FERMT1: variants seen among roughly 807,000 people sequenced by gnomAD.
FERMT1 encodes the protein fermitin family homolog 1.
A neutral mutation model predicts 85.3 loss-of-function variants in FERMT1; 60 were observed. That is an observed-to-expected ratio of 0.70 (90% CI 0.57 to 0.87). FERMT1 has a LOEUF of 0.87. Among genes scored for constraint, FERMT1 ranks in the 40% least tolerant of loss-of-function variants. The pLI, the probability that FERMT1 is intolerant of heterozygous loss-of-function variation, is 0.00. For synonymous variants in FERMT1, 275 were observed against 301.1 expected, an observed-to-expected ratio of 0.91 and a Z score of 0.90; for missense variants, 701 against 818.9, an observed-to-expected ratio of 0.86 and a Z score of 1.76.
At position 6,079,440 on chromosome 20, in the gene FERMT1, C is replaced by T. The variant is rs773937264; in HGVS notation, c.1856G>A (p.Arg619Gln). The change falls in exon 14 of 15, where the codon CGG becomes CAG. Residue 619 changes from arginine to glutamine, a missense_variant. By Grantham distance (43) the Arg-to-Gln change is conservative. Transcript: ENST00000217289. ...IKQWNVNWET[R>Q]QVVIEFDQNV... ...GAGCAAAAACTTTCACTTTACCTGC[C>T]GGGTTTCCCAGTTTACATTCCACTG... 9.9e-6 allele frequency: 16 copies of T among 1,614,120 alleles called. No homozygotes were observed. The highest frequency in any genetic ancestry group is 2.2e-5 in the South Asian group (2 of 91,070).
intron 5 of FERMT1, among the ~76,000 whole-genome samples, chr20:6,109,902 CAAA>C (rs11436082): frequency 2.4e-5 from 3 of 123,592 alleles, no homozygotes; most frequent in African/African-American, 6.0e-5. Flanking sequence ...AACTCCATCT[CAAA>C]AAAAAAAAAA....
chr20:6,104,637 C>T lies in FERMT1; in HGVS notation c.849+2895G>A, dbSNP rs982157530. Among the ~76,000 whole-genome samples the T allele has an allele frequency of 1.3e-5, 2 of 152,174 alleles. No individual in the cohort carries two copies. Among genetic ancestry groups the T allele is most frequent in the African/African-American group, 4.8e-5 (2 of 41,444 alleles). On this transcript the variant is annotated intron_variant, in intron 6 of 14. Coordinates refer to ENST00000217289, the MANE Select transcript of FERMT1 (RefSeq NM_017671.5). The surrounding 1 kb of genome is among the most constrained non-coding windows in gnomAD (Gnocchi z 4.2). ...GTGGCTGTTAGATTCAAATCGGTTT[C>T]ACTTTTTAGGCTATGAAGAGGGAGC...
rs1171245808 is a variant in FERMT1, at chr20:6,097,580, G to C, written c.901C>G (p.Leu301Val). 4 of 1,613,918 alleles carry C rather than the reference G, an allele frequency of 2.5e-6. No homozygotes were observed. The highest frequency in any genetic ancestry group is 2.2e-5 in the East Asian group (1 of 44,864). ...QLYEQARWAI[L>V]LEEIDCTEEE... ...TCTGTGCAATCAATTTCTTCTAAGA[G>C]AATGGCCCACCTGGCTTGCTCATAG... The change falls in exon 7 of 15, where the codon CTC (leucine) becomes GTC (valine). Residue 301 changes from leucine (L) to valine (V), a missense_variant. By Grantham distance (32) the Leu-to-Val change is conservative (BLOSUM62 1). Coordinates refer to ENST00000217289, the MANE Select transcript of FERMT1 (RefSeq NM_017671.5).
At chr20:6,109,184 G>A (rs763007058) in intron 5 of FERMT1, among the ~76,000 whole-genome samples, 7 of 152,178 alleles carry the variant, frequency 4.6e-5, no homozygotes, top group Non-Finnish European at 8.8e-5. Flanking sequence ...ACAGTCTGCT[G>A]GGGGAGACCA....
Position 6,112,736 on chromosome 20 carries a change from A to G in FERMT1, c.386-113T>C. On this transcript the variant is annotated intron_variant, in intron 3 of 14. Transcript: ENST00000217289. ...TTTCTCAGGAAATTTCTGAAAAGTA[A>G]ATGGGACTAAACTGCATCCCTTTTG... 4 of 743,484 alleles carry G rather than the reference A, an allele frequency of 5.4e-6. No homozygotes were observed. In the South Asian group the frequency reaches 8.2e-5, roughly 15 times the overall value. 46.1% of individuals were successfully genotyped at this position (743,484 alleles called of 1,614,324 possible). A position where few individuals can be genotyped will look rare whatever the true frequency, so the allele number is the denominator to read the frequency against.
At position 6,119,514 on chromosome 20, in the gene FERMT1, A is replaced by G. The variant is rs999728597; in HGVS notation, c.41T>C (p.Leu14Pro). ...STDFTFASWE[L>P]VVRVDHPNEE... ...ATTGGGATGGTCAACGCGGACCACAAGCTCCCAGGAAGCAAATGTAAAGTC... is the reference window on the plus strand; with the variant it reads ...ATTGGGATGGTCAACGCGGACCACAGGCTCCCAGGAAGCAAATGTAAAGTC... The change falls in exon 2 of 15, where the codon CTT becomes CCT. Residue 14 changes from leucine to proline, a missense_variant. Coordinates refer to ENST00000217289, the MANE Select transcript of FERMT1 (RefSeq NM_017671.5). 6.2e-7 allele frequency: 1 copy of G among 1,614,202 alleles called. No homozygotes were observed. The highest frequency in any genetic ancestry group is 8.5e-7 in the Non-Finnish European group (1 of 1,180,030).
chr20:6,116,155 C>G, intron 2 of FERMT1, 111 bp from the exon 3 acceptor site: 6 of 771,376 alleles, frequency 7.8e-6, no homozygotes, highest in Non-Finnish European at 1.3e-5. Flanking sequence ...AACAACTGAT[C>G]TCCAGCTCCT....
chr20:6,114,492 G>A (rs930924968), intron 3 of FERMT1, among the ~76,000 whole-genome samples: 3 of 152,202 alleles, frequency 2.0e-5, no homozygotes, highest in Non-Finnish European at 4.4e-5. Flanking sequence ...CAGCTGTGAT[G>A]TGTGCTTCCA....
At chr20:6,107,493 T>C (rs1208813637) in intron 6 of FERMT1, 39 bp downstream of exon 6, 13 of 1,233,958 alleles carry the variant, frequency 1.1e-5, no homozygotes, top group Non-Finnish European at 1.5e-5. Context: ...CATGCATTCA[T>C]ATTAAAAAGA....
Position 6,112,058 on chromosome 20 carries a change from T to C in FERMT1, c.532+419A>G, listed in dbSNP as rs528071631. Among the ~76,000 whole-genome samples, 44 of 152,162 alleles carry C rather than the reference T, an allele frequency of 2.9e-4. 1 individual carries two copies. The Middle Eastern group carries it at 0.01, about 35-fold the overall frequency. ...ATTTATTTATTTTTTGTATTTTTAA[T>C]GGAGATGGAGTCTCACCATATTGCC... On this transcript the variant is annotated intron_variant, in intron 4 of 14. Coordinates refer to ENST00000217289, the MANE Select transcript of FERMT1 (RefSeq NM_017671.5).
Position 6,084,155 on chromosome 20 carries a change from G to A in FERMT1, c.1603C>T (p.Arg535Trp), listed in dbSNP as rs143876620. Residue 535 changes from arginine to tryptophan, a missense_variant, in exon 13 of 15, where the codon CGG becomes TGG. By Grantham distance (101) the Arg-to-Trp change is moderately radical (BLOSUM62 -3). Coordinates refer to ENST00000217289, the MANE Select transcript of FERMT1 (RefSeq NM_017671.5). ...ACGTTCTGGTGCGCCTCCAGGATCCGGGCGGCCAGCTGAACAGAAACAGAC... is the reference window on the plus strand; with the variant it reads ...ACGTTCTGGTGCGCCTCCAGGATCCAGGCGGCCAGCTGAACAGAAACAGAC... ...KRHKSKQLAA[R>W]ILEAHQNVAQ... 56 of 1,611,470 alleles carry A rather than the reference G, an allele frequency of 3.5e-5. No homozygotes were observed. Among genetic ancestry groups the A allele is most frequent in the Non-Finnish European group, 4.2e-5 (50 of 1,178,958 alleles).
At position 6,107,649 on chromosome 20, in the gene FERMT1, C is replaced by T; in HGVS notation, c.747-15G>A. 1 of 1,501,976 alleles carries T rather than the reference C, an allele frequency of 6.7e-7. No individual in the cohort carries two copies. The highest frequency in any genetic ancestry group is 1.1e-5 in the South Asian group (1 of 88,786). 93.0% of individuals were successfully genotyped at this position (1,501,976 alleles called of 1,614,324 possible). On this transcript the variant is annotated splice_polypyrimidine_tract_variant and intron_variant, in intron 5 of 14. Transcript: ENST00000217289. ...AGTCTAGCCAACTAGAAAATGACAG[C>T]ATGAGTTTTAGAAGCCAGTCAATTT...
At chr20:6,112,067 A>G (rs2326717) in intron 4 of FERMT1, among the ~76,000 whole-genome samples, 48,827 of 151,572 alleles carry the variant, frequency 0.32, 8,311 homozygotes, top group East Asian at 0.54. Context: ...ATGGAGATGG[A>G]GTCTCACCAT....
At chr20:6,081,319 G>C (rs531340067) in intron 13 of FERMT1, among the ~76,000 whole-genome samples, 1 of 151,698 alleles carries the variant, frequency 6.6e-6, no homozygotes, top group East Asian at 1.9e-4. Flanking sequence ...TATTATAAGA[G>C]ATTGGAAAGA....
At chr20:6,096,782 CTTTT>C (rs202086138) in intron 8 of FERMT1, 116 bp downstream of exon 8, 341 of 533,152 alleles carry the variant, frequency 6.4e-4, no homozygotes, top group Middle Eastern at 1.3e-3. Context: ...TGAAGAGCAT[CTTTT>C]TTTTTTTTTT....
intron 6 of FERMT1, among the ~76,000 whole-genome samples, chr20:6,100,034 A>G (rs925112655): frequency 6.6e-6 from 1 of 152,010 alleles, no homozygotes; most frequent in Non-Finnish European, 1.5e-5. Context: ...GTTGCACAAC[A>G]CTGTGACTAT....
At chr20:6,088,686 T>C (rs1304910846) in intron 10 of FERMT1, among the ~76,000 whole-genome samples, 2 of 149,448 alleles carry the variant, frequency 1.3e-5, no homozygotes, top group Admixed American at 6.8e-5. Context: ...TGGAGTGCAG[T>C]GGCATCATCT....
intron 13 of FERMT1, among the ~76,000 whole-genome samples, chr20:6,083,727 G>C (rs4564854): frequency 8.5e-6 from 1 of 118,006 alleles, no homozygotes; most frequent in Non-Finnish European, 1.8e-5. Context: ...AAACCGAAAA[G>C]AAGTTACAGA....
At chr20:6,083,087 G>A (rs904273523) in intron 13 of FERMT1, among the ~76,000 whole-genome samples, 1 of 152,206 alleles carries the variant, frequency 6.6e-6, no homozygotes, top group Non-Finnish European at 1.5e-5. Context: ...ATTATAAGAT[G>A]AGAAAGTGAC....
Sources: allele counts gnomAD v4.1 joint callset (sites outside exome capture counted in the v4.1 genomes callset), GRCh38; gene constraint gnomAD v4.1.1; non-coding constraint Gnocchi (gnomAD v3.1); transcripts MANE v1.5; gene names NCBI Gene and HGNC (gene_info 2026-07-23, HGNC 2026-07-21).